Variants in HTRA3 observed in about 807,000 individuals in gnomAD.
HTRA3 encodes the protein serine protease HTRA3.
In HTRA3, 41 loss-of-function variants were observed where a neutral mutation model predicts 43.2. The observed-to-expected ratio is 0.95, with a 90% CI of 0.74 to 1.23. The LOEUF is 1.23. HTRA3 is among the 50% of genes most tolerant of loss of function. The pLI, the probability that HTRA3 is intolerant of heterozygous loss-of-function variation, is 0.00. For missense variants in HTRA3, 628 were observed against 647.1 expected, an observed-to-expected ratio of 0.97 and a Z score of 0.32; for synonymous variants, 295 against 287.9, an observed-to-expected ratio of 1.02 and a Z score of -0.25.
chr4:8,285,796 C>T (rs948557928), intron 2 of HTRA3, among the ~76,000 whole-genome samples: 9 of 152,270 alleles, frequency 5.9e-5, no homozygotes, highest in African/African-American at 2.2e-4. Flanking sequence ...CTGGCCTCAT[C>T]TGTGCCTCTG....
intron 2 of HTRA3, among the ~76,000 whole-genome samples, chr4:8,285,052 G>T (rs4696790): frequency 0.61 from 92,392 of 151,804 alleles, 28,688 homozygotes; most frequent in East Asian, 0.81. Flanking sequence ...AGTGTTTTCC[G>T]CAGTCCTTGG....
rs574949923 is a variant in HTRA3 at position 8,297,817 on chromosome 4, C to T, written c.1051+3616C>T. 2.0e-5 allele frequency among the ~76,000 whole-genome samples: 3 copies of T among 152,120 alleles called. No homozygotes were observed. The highest frequency in any genetic ancestry group is 6.5e-5 in the Admixed American group (1 of 15,278). The stretch of plus-strand genomic sequence containing the variant: ...TGGCCCCTCCTGCTCCAGGCTCAGA[C>T]GCGCAGCTGCTTGTGGGATGGACCC... On this transcript the variant is annotated intron_variant, in intron 6 of 8. Transcript: ENST00000307358. The surrounding 1 kb of genome is among the most constrained non-coding windows in gnomAD (Gnocchi z 5.8).
Position 8,291,433 on chromosome 4 carries a change from G to A in HTRA3, c.772G>A (p.Ala258Thr). The A allele has an allele frequency of 6.2e-7, 1 of 1,613,344 alleles. No individual in the cohort carries two copies. The highest frequency in any genetic ancestry group is 8.5e-7 in the Non-Finnish European group (1 of 1,180,020). ...ADLRPGEFVVAIGSPFALQNT... is the reference protein window; with the variant it reads ...ADLRPGEFVVTIGSPFALQNT... ...CCTGCGGCCTGGGGAGTTTGTGGTG[G>A]CCATCGGCAGTCCCTTCGCCCTACA... Residue 258 changes from alanine to threonine, a missense_variant, in exon 4 of 9, where the codon GCC (alanine) becomes ACC (threonine). Coordinates refer to ENST00000307358, the MANE Select transcript of HTRA3 (RefSeq NM_053044.5).
At position 8,306,456 on chromosome 4, in the gene HTRA3, G is replaced by A. The variant is rs963087696; in HGVS notation, c.*320G>A. 13 of 264,584 alleles carry A rather than the reference G, an allele frequency of 4.9e-5. No homozygotes were observed. The highest frequency in any genetic ancestry group is 2.7e-4 in the African/African-American group (12 of 44,606). 16.4% of individuals were successfully genotyped at this position (264,584 alleles called of 1,614,324 possible). On this transcript the variant is annotated 3_prime_UTR_variant, in exon 9 of 9. Transcript: ENST00000307358. This position sits in a 1 kb window ranked among gnomAD's most constrained non-coding sequence, Gnocchi z 8.9. ...CCTCCTCTCCTAGCTTCCCGCCTCT[G>A]CCCCTGTGAACACCCATCTGCAGTA...
Position 8,303,393 on chromosome 4 carries a change from A to C in HTRA3, c.1101-791A>C, listed in dbSNP as rs114424691. 2.6e-3 allele frequency among the ~76,000 whole-genome samples: 395 copies of C among 152,346 alleles called. 3 individuals are homozygous for C. Among genetic ancestry groups the C allele is most frequent in the African/African-American group, 8.9e-3 (370 of 41,582 alleles). ...GTCCACTGCAGAGCAGGTGCCTGGA[A>C]ATGCTGAATGAGTGCAAGAAAGAAG... On this transcript the variant is annotated intron_variant, in intron 7 of 8. Transcript: ENST00000307358.
At chr4:8,301,714 T>C (rs762789740) in intron 6 of HTRA3, among the ~76,000 whole-genome samples, 1 of 152,222 alleles carries the variant, frequency 6.6e-6, no homozygotes, top group Non-Finnish European at 1.5e-5. Context: ...CAAATTTTAA[T>C]ATATTATACA....
At chr4:8,280,722 G>A (rs565332362) in intron 1 of HTRA3, among the ~76,000 whole-genome samples, 2 of 134,448 alleles carry the variant, frequency 1.5e-5, no homozygotes, top group Admixed American at 1.4e-4. Context: ...GATCTATGAG[G>A]AGCCTCGCGG....
intron 1 of HTRA3, among the ~76,000 whole-genome samples, chr4:8,278,272 G>A (rs1261985688): frequency 4.6e-5 from 7 of 151,728 alleles, no homozygotes; most frequent in Non-Finnish European, 7.4e-5. Context: ...GCCCTGTTGC[G>A]CCCCTTCCTC....
intron 1 of HTRA3, among the ~76,000 whole-genome samples, chr4:8,274,811 C>A (rs114599533): frequency 6.6e-6 from 1 of 152,218 alleles, no homozygotes; most frequent in African/African-American, 2.4e-5. Context: ...GCCTGCCATG[C>A]GCTCAGAATG....
intron 3 of HTRA3, among the ~76,000 whole-genome samples, chr4:8,290,627 G>A (rs1378052536): frequency 6.6e-6 from 1 of 152,250 alleles, no homozygotes; most frequent in Non-Finnish European, 1.5e-5. Context: ...TCGTGTGTGT[G>A]TGTGCGCTTC....
In HTRA3 at chr4:8,306,097, C is replaced by T. The variant is rs143321023; in HGVS notation, c.1323C>T (p.Asp441=). Reference sequence around the variant, plus strand: ...TACTGGAGGTGCGGCGGGGGAACGACGACCTCCTCTTCAGCATCGCACCTG... The same window carrying T: ...TACTGGAGGTGCGGCGGGGGAACGATGACCTCCTCTTCAGCATCGCACCTG... ...PLLLEVRRGN[D]DLLFSIAPEV... Residue 441 remains aspartate, a synonymous_variant, in exon 9 of 9, where the codon GAC becomes GAT. Coordinates refer to ENST00000307358, the MANE Select transcript of HTRA3 (RefSeq NM_053044.5). The surrounding 1 kb of genome is among the most constrained non-coding windows in gnomAD (Gnocchi z 8.9). 4.1e-4 allele frequency: 659 copies of T among 1,606,338 alleles called. No homozygotes were observed. Among genetic ancestry groups the T allele is most frequent in the Non-Finnish European group, 5.1e-4 (599 of 1,175,098 alleles).
At chr4:8,298,759 G>C (rs771235692) in intron 6 of HTRA3, among the ~76,000 whole-genome samples, 2 of 152,172 alleles carry the variant, frequency 1.3e-5, no homozygotes, top group African/African-American at 2.4e-5. Context: ...ACCATTTGTT[G>C]AAAGACTGTT....
At position 8,296,944 on chromosome 4, in the gene HTRA3, C is replaced by A. The variant is rs1371077290; in HGVS notation, c.1051+2743C>A. The stretch of plus-strand genomic sequence containing the variant: ...CAGGATTCCTCGATCTCAGAGGCCA[C>A]AGGGTTCCTTAGTCTCAGAAGTCAC... On this transcript the variant is annotated intron_variant, in intron 6 of 8. Coordinates refer to ENST00000307358, the MANE Select transcript of HTRA3 (RefSeq NM_053044.5). This position sits in a 1 kb window ranked among gnomAD's most constrained non-coding sequence, Gnocchi z 5.3. Among the ~76,000 whole-genome samples the A allele has an allele frequency of 6.6e-6, 1 of 152,058 alleles. No homozygotes were observed. Among genetic ancestry groups the A allele is most frequent in the Non-Finnish European group, 1.5e-5 (1 of 67,998 alleles).
rs1560144666 is a variant in HTRA3 at position 8,304,652 on chromosome 4, T to TG, written c.1196+373_1196+374insG. Among the ~76,000 whole-genome samples the TG allele has an allele frequency of 4.6e-4, 33 of 71,188 alleles. 1 individual carries two copies. Among genetic ancestry groups the TG allele is most frequent in the East Asian group, 9.5e-4 (1 of 1,058 alleles). 46.7% of individuals were successfully genotyped at this position (71,188 alleles called of 152,430 possible). On this transcript the variant is annotated intron_variant, in intron 8 of 8. Coordinates refer to ENST00000307358, the MANE Select transcript of HTRA3 (RefSeq NM_053044.5). ...GATAATTCAGCCTATTGTTTTTTTT[T>TG]TTTTTTTTTTTTTTTTTTTTTTGAG...
chr4:8,295,433 G>A lies in HTRA3; in HGVS notation c.1051+1232G>A, dbSNP rs145175447. On this transcript the variant is annotated intron_variant, in intron 6 of 8. Coordinates refer to ENST00000307358, the MANE Select transcript of HTRA3 (RefSeq NM_053044.5). The surrounding 1 kb of genome is among the most constrained non-coding windows in gnomAD (Gnocchi z 6.9). ...TGCCATGAGCACCCATCTGGGAGAGGCCTCGCCAGGGCACTAGGCAACTCT... is the reference window on the plus strand; with the variant it reads ...TGCCATGAGCACCCATCTGGGAGAGACCTCGCCAGGGCACTAGGCAACTCT... 1.5e-3 allele frequency among the ~76,000 whole-genome samples: 227 copies of A among 152,204 alleles called. 1 individual carries two copies. The highest frequency in any genetic ancestry group is 5.4e-3 in the African/African-American group (226 of 41,526).
intron 1 of HTRA3, among the ~76,000 whole-genome samples, chr4:8,273,000 G>T (rs765357166): frequency 6.6e-6 from 1 of 152,230 alleles, no homozygotes; most frequent in Non-Finnish European, 1.5e-5. Context: ...GGCCTTGGGT[G>T]CCCGGCCTCT....
At position 8,306,276 on chromosome 4, in the gene HTRA3, C is replaced by T. The variant is rs1014612665; in HGVS notation, c.*140C>T. 1.1e-6 allele frequency: 1 copy of T among 930,350 alleles called. No homozygotes were observed. Among genetic ancestry groups the T allele is most frequent in the Non-Finnish European group, 1.5e-6 (1 of 652,524 alleles). 57.6% of individuals were successfully genotyped at this position (930,350 alleles called of 1,614,324 possible). Reference sequence around the variant, plus strand: ...CTGGCTGTCCGGGGCAGAGCGGAGGCTGGGCTTGGCCAGGGGCCCGAATTT... The same window carrying T: ...CTGGCTGTCCGGGGCAGAGCGGAGGTTGGGCTTGGCCAGGGGCCCGAATTT... On this transcript the variant is annotated 3_prime_UTR_variant, in exon 9 of 9. Coordinates refer to ENST00000307358, the MANE Select transcript of HTRA3 (RefSeq NM_053044.5). This position sits in a 1 kb window ranked among gnomAD's most constrained non-coding sequence, Gnocchi z 8.9.
intron 3 of HTRA3, among the ~76,000 whole-genome samples, chr4:8,287,181 G>A (rs1018028917): frequency 5.3e-5 from 8 of 152,208 alleles, no homozygotes; most frequent in African/African-American, 1.4e-4. Context: ...GAACACTTGG[G>A]ACAGGGACCC....
rs116291321 is a variant in HTRA3, at chr4:8,286,089, G to A, written c.486-472G>A. ...ATTATTGTCCTGTTTGTTGAGAGGC[G>A]TTTTAGAGCCCAGGCATCACCACTC... On this transcript the variant is annotated intron_variant, in intron 2 of 8. Transcript: ENST00000307358. The surrounding 1 kb of genome is among the most constrained non-coding windows in gnomAD (Gnocchi z 4.9). Among the ~76,000 whole-genome samples the A allele has an allele frequency of 2.2e-4, 34 of 152,290 alleles. No individual in the cohort carries two copies. Among genetic ancestry groups the A allele is most frequent in the African/African-American group, 2.4e-4 (10 of 41,552 alleles).
Sources: allele counts gnomAD v4.1 joint callset (sites outside exome capture counted in the v4.1 genomes callset), GRCh38; gene constraint gnomAD v4.1.1; non-coding constraint Gnocchi (gnomAD v3.1); transcripts MANE v1.5; gene names NCBI Gene and HGNC (gene_info 2026-07-23, HGNC 2026-07-21).